Variants in ZNF93 observed in about 807,000 individuals in gnomAD.
ZNF93 encodes the protein zinc finger protein 505.
ZNF93 carries 29 observed loss-of-function variants against 45.0 expected under a neutral mutation model. The ratio of observed to expected loss-of-function variants is 0.64; its 90% CI spans 0.48 to 0.88. The LOEUF is 0.88. ZNF93 is among the 40% of genes least tolerant of loss of function. ZNF93 has a pLI of 0.00. For synonymous variants in ZNF93, 223 were observed against 244.6 expected (o/e 0.91, Z 0.82); for missense variants, 578 against 724.0 (o/e 0.80, Z 2.31).
In ZNF93 at chr19:19,933,335, C is replaced by T. The variant is rs376189915; in HGVS notation, c.380C>T (p.Thr127Ile). The change falls in exon 4 of 4, where the codon ACA (threonine) becomes ATA (isoleucine). Residue 127 changes from threonine (T) to isoleucine (I), a missense_variant. This residue lies in a region of ZNF93 where 446 missense variants were observed against 547.6 expected (regional missense o/e 0.81). Transcript: ENST00000343769. ...AGTGTAGATGAGTGTAAGGTGCACA[C>T]AGGAGGTTATAATGGACTTAACCAG... The part of the protein sequence containing the change: ...CESVDECKVH[T>I]GGYNGLNQCS... 32 of 1,609,310 alleles carry T rather than the reference C, an allele frequency of 2.0e-5. No homozygotes were observed. Among genetic ancestry groups the T allele is most frequent in the Non-Finnish European group, 2.1e-5 (25 of 1,178,240 alleles).
chr19:19,903,254 G>A (rs2063281470), intron 1 of ZNF93, among the ~76,000 whole-genome samples: 1 of 152,154 alleles, frequency 6.6e-6, no homozygotes, highest in South Asian at 2.1e-4. Flanking sequence ...TTAGAAAGGA[G>A]GTGGGAGGGG....
chr19:19,915,610 C>T (rs545692504), intron 2 of ZNF93, among the ~76,000 whole-genome samples: 75 of 152,024 alleles, frequency 4.9e-4, no homozygotes, highest in African/African-American at 1.8e-3. Flanking sequence ...GAGGCTAGGG[C>T]GGAGGAGATT....
rs1568514760 is a variant in ZNF93 at position 19,934,140 on chromosome 19, G to T, written c.1185G>T (p.Lys395Asn). Residue 395 changes from lysine (K) to asparagine (N), a missense_variant, in exon 4 of 4, where the codon AAG (lysine) becomes AAT (asparagine). By Grantham distance (94) the Lys-to-Asn change is moderately conservative. Around this residue, in one of 3 missense-constraint regions of ZNF93, gnomAD observed 446 missense variants for 547.6 expected, o/e 0.81. Transcript: ENST00000343769. ...ATAAGAGAGTTCATACTGGAGAGAA[G>T]CCCTACAAATGTGAAGAATGTGGCA... Reference protein sequence around the residue: ...TRHKRVHTGEKPYKCEECGKA... With the variant: ...TRHKRVHTGENPYKCEECGKA... 6.2e-7 allele frequency: 1 copy of T among 1,601,512 alleles called. No individual in the cohort carries two copies. The highest frequency in any genetic ancestry group is 1.4e-5 in the African/African-American group (1 of 72,780).
chr19:19,921,149 T>G (rs1260029588), intron 3 of ZNF93, among the ~76,000 whole-genome samples: 2 of 152,176 alleles, frequency 1.3e-5, no homozygotes, highest in Admixed American at 6.5e-5. Flanking sequence ...TTGTCTTTGT[T>G]CTCATTGGTT....
chr19:19,909,666 G>T (rs1232429771), intron 1 of ZNF93: 2 of 152,102 alleles, frequency 1.3e-5, no homozygotes, highest in African/African-American at 4.8e-5. Context: ...TTTTCTTTCT[G>T]TTCTATTATT....
In ZNF93 at chr19:19,933,101, A is replaced by G. The variant is rs538370880; in HGVS notation, c.227-81A>G. The G allele has an allele frequency of 1.3e-4, 143 of 1,100,778 alleles. 1 individual carries two copies. The African/African-American group carries it at 2.0e-3, about 15-fold the overall frequency. 68.2% of individuals were successfully genotyped at this position (1,100,778 alleles called of 1,614,324 possible). ...ATGTCATCTTAGTTATGTAGTTTGT[A>G]TAATTTTATAGGTTAGATTTGTAAA... On this transcript the variant is annotated intron_variant, in intron 3 of 3. Coordinates refer to ENST00000343769, the MANE Select transcript of ZNF93 (RefSeq NM_031218.4).
intron 3 of ZNF93, chr19:19,927,293 G>A: frequency 2.5e-6 from 1 of 398,064 alleles, no homozygotes; most frequent in Non-Finnish European, 4.4e-6. Flanking sequence ...CTACTTGGGA[G>A]ATTGAAGGGA....
At chr19:19,928,877 A>T (rs191678503) in intron 3 of ZNF93, among the ~76,000 whole-genome samples, 33 of 152,316 alleles carry the variant, frequency 2.2e-4, no homozygotes, top group African/African-American at 7.2e-4. Flanking sequence ...TGCAAATAAG[A>T]ATATTGTGTA....
chr19:19,902,306 T>G (rs918470433), intron 1 of ZNF93, among the ~76,000 whole-genome samples: 2 of 151,610 alleles, frequency 1.3e-5, no homozygotes, highest in African/African-American at 4.9e-5. Context: ...GTTGCCCAGG[T>G]GGAGTACAGT....
intron 3 of ZNF93, among the ~76,000 whole-genome samples, chr19:19,925,438 T>G (rs1416664921): frequency 2.0e-5 from 3 of 152,186 alleles, no homozygotes; most frequent in Non-Finnish European, 4.4e-5. Context: ...TTGTCAAGGA[T>G]GGTTGAGATC....
At chr19:19,918,294 T>C (rs2063331022) in intron 3 of ZNF93, among the ~76,000 whole-genome samples, 1 of 152,232 alleles carries the variant, frequency 6.6e-6, no homozygotes, top group Non-Finnish European at 1.5e-5. Context: ...CATTTTTTTA[T>C]GGTTGCATAG....
At chr19:19,923,080 C>T (rs985152874) in intron 3 of ZNF93, among the ~76,000 whole-genome samples, 5 of 152,126 alleles carry the variant, frequency 3.3e-5, no homozygotes, top group African/African-American at 9.7e-5. Context: ...TACCTTTGGT[C>T]TTTGATGATG....
At chr19:19,923,179 T>C (rs2063346536) in intron 3 of ZNF93, among the ~76,000 whole-genome samples, 1 of 152,220 alleles carries the variant, frequency 6.6e-6, no homozygotes, top group African/African-American at 2.4e-5. Context: ...GCAGGTCCGT[T>C]GGAGTTTGCT....
At chr19:19,919,585 G>A (rs2063336796) in intron 3 of ZNF93, among the ~76,000 whole-genome samples, 1 of 152,176 alleles carries the variant, frequency 6.6e-6, no homozygotes, top group Non-Finnish European at 1.5e-5. Flanking sequence ...CTACCCATGA[G>A]CATGGAATGT....
chr19:19,915,076 A>T (rs1319517991), intron 1 of ZNF93, among the ~76,000 whole-genome samples: 2 of 152,236 alleles, frequency 1.3e-5, no homozygotes, highest in African/African-American at 2.4e-5. Flanking sequence ...TCATATATGA[A>T]CTGATGTTGT....
chr19:19,903,793 AGGCGCGGT>A (rs766210281), intron 1 of ZNF93, among the ~76,000 whole-genome samples: 57 of 151,888 alleles, frequency 3.8e-4, no homozygotes, highest in Non-Finnish European at 6.2e-4. Flanking sequence ...ATTTCAGGCC[AGGCGCGGT>A]GGCTCACACC....
intron 1 of ZNF93, chr19:19,908,247 C>G (rs910268356): frequency 1.3e-5 from 2 of 152,176 alleles, no homozygotes; most frequent in African/African-American, 4.8e-5. Context: ...TGTATGAACA[C>G]AGTCAGATTC....
intron 3 of ZNF93, among the ~76,000 whole-genome samples, chr19:19,920,190 C>T (rs1468115169): frequency 3.9e-5 from 6 of 152,152 alleles, no homozygotes; most frequent in Non-Finnish European, 7.3e-5. Flanking sequence ...AAGGCCTTTT[C>T]TGCAGCTATT....
At chr19:19,910,992 G>A (rs1031800376) in intron 1 of ZNF93, among the ~76,000 whole-genome samples, 4 of 152,310 alleles carry the variant, frequency 2.6e-5, no homozygotes, top group Middle Eastern at 3.4e-3. Context: ...GGCTCCAGGA[G>A]AAATAGACTC....
Sources: allele counts gnomAD v4.1 joint callset (sites outside exome capture counted in the v4.1 genomes callset), GRCh38; gene constraint gnomAD v4.1.1; regional missense constraint gnomAD v4.1.1; transcripts MANE v1.5; gene names NCBI Gene and HGNC (gene_info 2026-07-23, HGNC 2026-07-21).